Variants in CPT1A observed in about 807,000 individuals in gnomAD.
CPT1A encodes carnitine palmitoyltransferase 1A, also known as carnitine O-palmitoyltransferase 1, liver isoform.
In CPT1A, 64 loss-of-function variants were observed where a neutral mutation model predicts 100.8. That is an observed-to-expected ratio of 0.63 (90% CI 0.52 to 0.78). The LOEUF is 0.78. Among genes scored for constraint, CPT1A ranks in the 30% least tolerant of loss-of-function variants. The probability of loss-of-function intolerance (pLI) is 0.00; values close to 1 mark genes in which losing one functional copy is unlikely to be tolerated. For synonymous variants in CPT1A, 363 were observed against 396.0 expected, an observed-to-expected ratio of 0.92 and a Z score of 0.99; for missense variants, 802 against 1,034.1, an observed-to-expected ratio of 0.78 and a Z score of 3.08.
chr11:68,831,438 C>T (rs931852961), intron 1 of CPT1A, among the ~76,000 whole-genome samples: 4 of 152,090 alleles, frequency 2.6e-5, no homozygotes, highest in African/African-American at 7.2e-5. Flanking sequence ...AAACTTGATA[C>T]GTGACAACGG....
At chr11:68,773,838 T>C in intron 13 of CPT1A, 1 of 306,642 alleles carries the variant, frequency 3.3e-6, no homozygotes, top group South Asian at 3.0e-5. Context: ...TCTCAAGCGT[T>C]GGGCGAGTGG....
chr11:68,816,739 T>G (rs1324041100), intron 1 of CPT1A, among the ~76,000 whole-genome samples: 1 of 138,420 alleles, frequency 7.2e-6, no homozygotes, highest in Non-Finnish European at 1.5e-5. Context: ...AGGACCATAA[T>G]AAAAATCCAA....
chr11:68,808,703 T>A (rs578114882), intron 3 of CPT1A, among the ~76,000 whole-genome samples: 2 of 152,186 alleles, frequency 1.3e-5, no homozygotes, highest in East Asian at 3.9e-4. Flanking sequence ...GTTTTAGTTT[T>A]GGTTGTTTTG....
intron 1 of CPT1A, among the ~76,000 whole-genome samples, chr11:68,824,724 G>A (rs1026160409): frequency 1.5e-4 from 23 of 151,272 alleles, no homozygotes; most frequent in African/African-American, 5.6e-4. Flanking sequence ...CACTCAGGCA[G>A]TGGTTATTTT....
chr11:68,809,086 T>C (rs1303149241), intron 3 of CPT1A, among the ~76,000 whole-genome samples: 2 of 151,872 alleles, frequency 1.3e-5, no homozygotes, highest in African/African-American at 4.8e-5. Flanking sequence ...CAAAAACAAA[T>C]TATCTTCAAG....
Position 68,812,428 on chromosome 11 carries a change from A to C in CPT1A, c.281+9T>G. ...CCCAGACAATTGGAGATTTCACAGGATTACTTACGCCGTTTCCAGAGTCCG... is the reference window on the plus strand; with the variant it reads ...CCCAGACAATTGGAGATTTCACAGGCTTACTTACGCCGTTTCCAGAGTCCG... On this transcript the variant is annotated intron_variant, in intron 3 of 18. Coordinates refer to ENST00000265641, the MANE Select transcript of CPT1A (RefSeq NM_001876.4). 1 of 1,614,232 alleles carries C rather than the reference A, an allele frequency of 6.2e-7. No individual in the cohort carries two copies. The highest frequency in any genetic ancestry group is 8.5e-7 in the Non-Finnish European group (1 of 1,180,026).
intron 3 of CPT1A, among the ~76,000 whole-genome samples, chr11:68,810,495 G>C (rs1228620905): frequency 6.6e-6 from 1 of 152,190 alleles, no homozygotes; most frequent in Non-Finnish European, 1.5e-5. Flanking sequence ...GCGTTCCTGA[G>C]CTACCTCAAG....
chr11:68,788,630 TAAAAA>T, intron 9 of CPT1A, among the ~76,000 whole-genome samples: 127 of 27,556 alleles, frequency 4.6e-3, no homozygotes, highest in Non-Finnish European at 6.6e-3. Flanking sequence ...CAAACAAAAG[TAAAAA>T]AAAAAAAAAA....
At chr11:68,816,817 T>G (rs1414185941) in intron 1 of CPT1A, among the ~76,000 whole-genome samples, 1 of 139,840 alleles carries the variant, frequency 7.2e-6, no homozygotes, top group Non-Finnish European at 1.5e-5. Flanking sequence ...TATGTGTGTG[T>G]GGTGTGTGTG....
At chr11:68,764,782 A>T (rs992673320) in intron 14 of CPT1A, among the ~76,000 whole-genome samples, 2 of 152,274 alleles carry the variant, frequency 1.3e-5, no homozygotes, top group Non-Finnish European at 2.9e-5. Context: ...CAGCCAGCAG[A>T]AAAAGGAAAC....
At position 68,836,106 on chromosome 11, in the gene CPT1A, A is replaced by G. The variant is rs975130575; in HGVS notation, c.-14+5669T>C. On this transcript the variant is annotated intron_variant, in intron 1 of 18. Coordinates refer to ENST00000265641, the MANE Select transcript of CPT1A (RefSeq NM_001876.4). ...CTTCTGACTTCGATGTATACCTTTTAGCAATCTGTGGTTGTATTTTGTGCA... is the reference window on the plus strand; with the variant it reads ...CTTCTGACTTCGATGTATACCTTTTGGCAATCTGTGGTTGTATTTTGTGCA... Among the ~76,000 whole-genome samples the G allele has an allele frequency of 1.1e-4, 16 of 152,282 alleles. No homozygotes were observed. In the East Asian group the frequency reaches 3.1e-3, roughly 29 times the overall value.
intron 1 of CPT1A, among the ~76,000 whole-genome samples, chr11:68,825,651 CAGTGCCCGCCTCCCCG>C (rs1464367081): frequency 2.0e-5 from 3 of 152,048 alleles, no homozygotes; most frequent in African/African-American, 4.8e-5. Context: ...GGCCTCCCCC[CAGTGCCCGCCTCCCCG>C]AGTGCCCGCC....
rs143134234 is a variant in CPT1A at position 68,811,404 on chromosome 11, C to T, written c.281+1033G>A. 8.4e-4 allele frequency among the ~76,000 whole-genome samples: 128 copies of T among 152,238 alleles called. No individual in the cohort carries two copies. In the East Asian group the frequency reaches 8.5e-3, roughly 10 times the overall value. ...CGAGACACTGTGGAGCTTTCAGACCCGAAAGTAAAATGTGTGTCCAAGCCC... is the reference window on the plus strand; with the variant it reads ...CGAGACACTGTGGAGCTTTCAGACCTGAAAGTAAAATGTGTGTCCAAGCCC... On this transcript the variant is annotated intron_variant, in intron 3 of 18. Transcript: ENST00000265641.
chr11:68,822,771 G>A (rs183931048), intron 1 of CPT1A, among the ~76,000 whole-genome samples: 2 of 152,164 alleles, frequency 1.3e-5, no homozygotes, highest in African/African-American at 4.8e-5. Context: ...ATGGACCTCC[G>A]ACACCTGCTG....
rs1555235335 is a variant in CPT1A, at chr11:68,838,582, A to AAAAAAAAAAAAAAAC, written c.-14+3192_-14+3193insGTTTTTTTTTTTTTT. Among the ~76,000 whole-genome samples, 48 of 145,372 alleles carry AAAAAAAAAAAAAAAC rather than the reference A, an allele frequency of 3.3e-4. 1 individual carries two copies. The East Asian group carries it at 3.6e-3, about 11-fold the overall frequency. ...GTATCTGCACCTTTTTAAAAAAAAA[A>AAAAAAAAAAAAAAAC]AAAAAAAAACAGAGACAGGGTCTGG... On this transcript the variant is annotated intron_variant, in intron 1 of 18. Transcript: ENST00000265641.
chr11:68,806,018 A>ATTTT (rs539379303), intron 4 of CPT1A, among the ~76,000 whole-genome samples: 1 of 139,210 alleles, frequency 7.2e-6, no homozygotes, highest in African/African-American at 2.7e-5. Context: ...AAGCCCATAA[A>ATTTT]TTTTTTTTTT....
chr11:68,782,325 C>T (rs1367899128), intron 10 of CPT1A, among the ~76,000 whole-genome samples: 4 of 152,210 alleles, frequency 2.6e-5, no homozygotes, highest in African/African-American at 9.6e-5. Flanking sequence ...TAAGTTCCGG[C>T]AGCCCAGGTC....
At chr11:68,814,593 C>A (rs1219708846) in intron 2 of CPT1A, among the ~76,000 whole-genome samples, 1 of 152,210 alleles carries the variant, frequency 6.6e-6, no homozygotes. Flanking sequence ...CAGGTGTGAG[C>A]CACTGCACCC....
In CPT1A at chr11:68,785,018, G is replaced by A. The variant is rs2305507; in HGVS notation, c.968-8C>T. 100,926 of 1,612,472 alleles carry A rather than the reference G, an allele frequency of 0.063. 4,029 individuals carry two copies. The highest frequency in any genetic ancestry group is 0.17 in the African/African-American group (12,516 of 74,914). ...TCATGTGCTGGATGGTGTCTGAGCC[G>A]GCCGCAGGTTGGAGACACAAAACCA... On this transcript the variant is annotated splice_polypyrimidine_tract_variant and splice_region_variant and intron_variant, in intron 9 of 18. Coordinates refer to ENST00000265641, the MANE Select transcript of CPT1A (RefSeq NM_001876.4).
Sources: allele counts gnomAD v4.1 joint callset (sites outside exome capture counted in the v4.1 genomes callset), GRCh38; gene constraint gnomAD v4.1.1; transcripts MANE v1.5; gene names NCBI Gene and HGNC (gene_info 2026-07-23, HGNC 2026-07-21).